DENND2D: variants seen among roughly 807,000 people sequenced by gnomAD.
DENND2D encodes the protein DENN domain containing 2D.
A neutral mutation model predicts 59.8 loss-of-function variants in DENND2D; 37 were observed. That is an observed-to-expected ratio of 0.62 (90% confidence interval 0.48 to 0.81). The LOEUF (loss-of-function observed/expected upper bound fraction) is 0.81, where lower values mean the gene tolerates loss of function less well. Ranked by LOEUF, DENND2D falls within the 40% of genes least tolerant of loss-of-function variation. DENND2D has a pLI of 0.00. For synonymous variants in DENND2D, 219 were observed against 211.3 expected (o/e 1.04, Z -0.31); for missense variants, 525 against 579.7 (o/e 0.91, Z 0.97).
chr1:111,203,629 G>T (rs1044414783), upstream of DENND2D, among the ~76,000 whole-genome samples: 4 of 152,246 alleles, frequency 2.6e-5, no homozygotes, highest in African/African-American at 9.6e-5. Context: ...ATCCTGGACG[G>T]GGGAATTATG....
At chr1:111,200,729 A>G (rs1297600488), upstream of DENND2D, 1 of 1,258,082 alleles carries the variant, frequency 7.9e-7, no homozygotes, top group African/African-American at 1.5e-5. Flanking sequence ...GCTCCTCCCA[A>G]GAGCCCCAGG....
chr1:111,199,266 A>G (rs1347078072), intron 2 of DENND2D, among the ~76,000 whole-genome samples: 1 of 152,152 alleles, frequency 6.6e-6, no homozygotes, highest in Non-Finnish European at 1.5e-5. Flanking sequence ...CACATCCCAG[A>G]GAGGGGATTC....
At position 111,198,049 on chromosome 1, in the gene DENND2D, T is replaced by C. The variant is rs17027074; in HGVS notation, c.357-60A>G. 18,628 of 1,554,676 alleles carry C rather than the reference T, an allele frequency of 0.012. 1,945 individuals are homozygous for C. In the African/African-American group the frequency reaches 0.22, roughly 19 times the overall value. ...CTCACTGAATCCTAAAACAGGAAAG[T>C]GGTCAGCACTAGAGGGTGGAGAGGA... On this transcript the variant is annotated intron_variant, in intron 3 of 11. Transcript: ENST00000357640.
At chr1:111,194,000 CATT>C (rs1375484082) in intron 7 of DENND2D, among the ~76,000 whole-genome samples, 4 of 152,202 alleles carry the variant, frequency 2.6e-5, no homozygotes, top group African/African-American at 9.7e-5. Flanking sequence ...TAATCACAAT[CATT>C]ATTTCCATTT....
upstream of DENND2D, among the ~76,000 whole-genome samples, chr1:111,201,662 G>A (rs2101513291): frequency 6.6e-6 from 1 of 152,320 alleles, no homozygotes; most frequent in Middle Eastern, 3.4e-3. Context: ...GCCTCAAAGG[G>A]AAAGCAGGGG....
At chr1:111,193,645 C>G (rs1475012237) in intron 7 of DENND2D, among the ~76,000 whole-genome samples, 3 of 152,164 alleles carry the variant, frequency 2.0e-5, no homozygotes, top group African/African-American at 7.2e-5. Flanking sequence ...CTGTTGAGTC[C>G]CTAACATCCT....
At chr1:111,194,839 G>C (rs978751469) in intron 6 of DENND2D, 113 bp from the exon 7 acceptor site, 2 of 1,213,184 alleles carry the variant, frequency 1.6e-6, no homozygotes. Flanking sequence ...AGTGAATCTG[G>C]CCCTGTCTCT....
At chr1:111,202,724 C>CACACAT (rs1334327826), upstream of DENND2D, among the ~76,000 whole-genome samples, 2 of 151,814 alleles carry the variant, frequency 1.3e-5, no homozygotes, top group African/African-American at 4.8e-5. Context: ...CACACACACA[C>CACACAT]ACTCCCTCCT....
chr1:111,197,404 C>T, intron 4 of DENND2D, 151 bp from the exon 5 acceptor site: 1 of 1,456,900 alleles, frequency 6.9e-7, no homozygotes, highest in South Asian at 1.4e-5. Flanking sequence ...CCACCAGCAT[C>T]AAAAGAAGAA....
Position 111,200,398 on chromosome 1 carries a change from C to T in DENND2D, c.62G>A (p.Arg21Gln), listed in dbSNP as rs202084957. 98 of 1,612,054 alleles carry T rather than the reference C, an allele frequency of 6.1e-5. No homozygotes were observed. Among genetic ancestry groups the T allele is most frequent in the East Asian group, 1.3e-4 (6 of 44,764 alleles). Residue 21 changes from arginine to glutamine, a missense_variant, in exon 1 of 12, where the codon CGA becomes CAA. Arg to Gln is a conservative substitution (Grantham distance 43). Coordinates refer to ENST00000357640, the MANE Select transcript of DENND2D (RefSeq NM_024901.5). ...RLFQRRLLQLRAGPPQDNSGE... is the reference protein window; with the variant it reads ...RLFQRRLLQLQAGPPQDNSGE... ...GTAGGCAGTCCAGTCCTGACCTGCTCGGAGTTGAAGCAGTCGGCGTTGGAA... is the reference window on the plus strand; with the variant it reads ...GTAGGCAGTCCAGTCCTGACCTGCTTGGAGTTGAAGCAGTCGGCGTTGGAA...
In DENND2D at chr1:111,188,691, T is replaced by G. The variant is rs771440686; in HGVS notation, c.1099+11A>C. On this transcript the variant is annotated intron_variant, in intron 10 of 11. Coordinates refer to ENST00000357640, the MANE Select transcript of DENND2D (RefSeq NM_024901.5). ...TGCCTGGAGAGACCCAAAATAAGAG[T>G]AAGGACTTACTCTTTAACTCATTGA... 6.2e-7 allele frequency: 1 copy of G among 1,610,390 alleles called. No homozygotes were observed.
upstream of DENND2D, chr1:111,202,501 G>A (rs1184531134): frequency 6.6e-6 from 1 of 152,102 alleles, no homozygotes; most frequent in East Asian, 1.9e-4. Context: ...CCCTTTCTAG[G>A]GAAGTCAGGA....
chr1:111,186,828 A>G lies in DENND2D; in HGVS notation c.*777T>C, dbSNP rs1657277778. ...ACAGACCTACGTATGGAAGCCATGT[A>G]GTGTTCTTCACAGGCTGCTGTTGAC... On this transcript the variant is annotated 3_prime_UTR_variant, in exon 12 of 12. Transcript: ENST00000357640. 6.6e-6 allele frequency among the ~76,000 whole-genome samples: 1 copy of G among 152,192 alleles called. No individual in the cohort carries two copies. Among genetic ancestry groups the G allele is most frequent in the Admixed American group, 6.5e-5 (1 of 15,280 alleles).
At chr1:111,202,696 T>C (rs1243542383), upstream of DENND2D, among the ~76,000 whole-genome samples, 5 of 142,856 alleles carry the variant, frequency 3.5e-5, no homozygotes, top group Non-Finnish European at 7.6e-5. Flanking sequence ...GTCACCAGGA[T>C]ACACACACAC....
chr1:111,188,036 G>T, intron 11 of DENND2D, 95 bp downstream of exon 11: 2 of 1,503,350 alleles, frequency 1.3e-6, no homozygotes, highest in Non-Finnish European at 8.9e-7. Context: ...CAGCTATTTT[G>T]TGGGTTTCTA....
At chr1:111,203,308 C>T (rs1400186181), upstream of DENND2D, among the ~76,000 whole-genome samples, 1 of 152,230 alleles carries the variant, frequency 6.6e-6, no homozygotes, top group Admixed American at 6.5e-5. Flanking sequence ...TGAGGTCCCC[C>T]CAACTCTGGG....
At chr1:111,194,937 C>T (rs1222967493) in intron 6 of DENND2D, among the ~76,000 whole-genome samples, 1 of 152,098 alleles carries the variant, frequency 6.6e-6, no homozygotes, top group Non-Finnish European at 1.5e-5. Flanking sequence ...CACTCGCCTC[C>T]CCGAGCACAC....
upstream of DENND2D, chr1:111,204,080 C>G: frequency 3.7e-6 from 1 of 268,720 alleles, no homozygotes; most frequent in Non-Finnish European, 6.8e-6. Flanking sequence ...CCCCCTCAGG[C>G]CTGGCCTCGC....
At chr1:111,191,361 T>C (rs1409911912) in intron 8 of DENND2D, among the ~76,000 whole-genome samples, 1 of 152,226 alleles carries the variant, frequency 6.6e-6, no homozygotes, top group Non-Finnish European at 1.5e-5. Flanking sequence ...CAGTTATCTC[T>C]TGGAGTGAGT....
Sources: gnomAD v4.1 joint callset for allele counts (sites outside exome capture counted in the v4.1 genomes callset) on GRCh38, gnomAD v4.1.1 for gene constraint, MANE v1.5 for transcripts, NCBI Gene and HGNC (gene_info 2026-07-23, HGNC 2026-07-21) for gene names.